Variants in SMAP2 observed in about 807,000 individuals in gnomAD.
SMAP2 encodes stromal membrane-associated protein 2.
In SMAP2, 25 loss-of-function variants were observed where a neutral mutation model predicts 56.4. The observed-to-expected ratio is 0.44, with a 90% CI of 0.32 to 0.62. SMAP2 has a LOEUF of 0.62. Among genes scored for constraint, SMAP2 ranks in the 20% least tolerant of loss-of-function variants. The pLI is 0.04. For missense variants in SMAP2, 388 were observed against 545.6 expected (o/e 0.71, Z 2.88); for synonymous variants, 157 against 181.7 (o/e 0.86, Z 1.09).
At chr1:40,364,546 C>A (rs889479149) in intron 2 of SMAP2, among the ~76,000 whole-genome samples, 1 of 152,098 alleles carries the variant, frequency 6.6e-6, no homozygotes, top group African/African-American at 2.4e-5. Context: ...AGCTCAGGAC[C>A]AACCTGGGCA....
At position 40,374,841 on chromosome 1, in the gene SMAP2, C is replaced by G; in HGVS notation, c.103+618C>G. Reference sequence around the variant, plus strand: ...AGTGGGAAACTGCCTTATGCAGTGACACAGTGCGGATTTCTAGGCAGTGTA... The same window carrying G: ...AGTGGGAAACTGCCTTATGCAGTGAGACAGTGCGGATTTCTAGGCAGTGTA... On this transcript the variant is annotated intron_variant, in intron 1 of 9. Coordinates refer to ENST00000372718, the MANE Select transcript of SMAP2 (RefSeq NM_022733.3). The surrounding 1 kb of genome is among the most constrained non-coding windows in gnomAD (Gnocchi z 5.9). 1 of 1,538,430 alleles carries G rather than the reference C, an allele frequency of 6.5e-7. No homozygotes were observed. Among genetic ancestry groups the G allele is most frequent in the South Asian group, 1.2e-5 (1 of 82,564 alleles).
At chr1:40,393,257 T>C in intron 1 of SMAP2, 1 of 1,405,444 alleles carries the variant, frequency 7.1e-7, no homozygotes, top group Non-Finnish European at 9.4e-7. Flanking sequence ...GCATAGGAGA[T>C]TGAGGCTGCA....
intron 2 of SMAP2, chr1:40,365,001 T>G (rs1644476387): frequency 8.8e-6 from 2 of 228,006 alleles, no homozygotes; most frequent in Admixed American, 8.1e-5. Context: ...CAACCCAGTT[T>G]CAGATGAAGA....
Position 40,409,828 on chromosome 1 carries a change from C to A in SMAP2, c.395C>A (p.Ala132Asp). 6.2e-7 allele frequency: 1 copy of A among 1,606,112 alleles called. No homozygotes were observed. The highest frequency in any genetic ancestry group is 8.5e-7 in the Non-Finnish European group (1 of 1,172,816). ...ATGGACCGAAGTCTGGACATCAATG[C>A]CTTTAGGGTTGGTTATACATCTTTC... ...KYMDRSLDIN[A>D]FRKEKDDKWK... is the part of the protein sequence containing the mutation. Residue 132 changes from alanine (A) to aspartate (D), a missense_variant, in exon 4 of 10, where the codon GCC becomes GAC. By Grantham distance (126) the Ala-to-Asp change is moderately radical. Transcript: ENST00000372718.
intron 1 of SMAP2, among the ~76,000 whole-genome samples, chr1:40,388,764 A>T (rs1644687142): frequency 6.6e-6 from 1 of 152,164 alleles, no homozygotes; most frequent in Admixed American, 6.5e-5. Context: ...CCTCTTCCAC[A>T]GTGTGGAAAC....
upstream of SMAP2, among the ~76,000 whole-genome samples, chr1:40,371,705 A>T (rs1306411085): frequency 6.6e-6 from 1 of 152,232 alleles, no homozygotes; most frequent in Non-Finnish European, 1.5e-5. Context: ...GAAGGCCAGG[A>T]AATAAAATCC....
chr1:40,412,300 C>T lies in SMAP2; in HGVS notation c.403-716C>T, dbSNP rs944781019. On this transcript the variant is annotated intron_variant, in intron 4 of 9. Coordinates refer to ENST00000372718, the MANE Select transcript of SMAP2 (RefSeq NM_022733.3). ...CAGAATTTGTACCATTTTACTCTCT[C>T]TTCTCAGCATTGTATAAGAGTACTG... Among the ~76,000 whole-genome samples the T allele has an allele frequency of 4.2e-4, 64 of 152,154 alleles. 2 individuals are homozygous for T. Among genetic ancestry groups the T allele is most frequent in the Non-Finnish European group, 5.9e-5 (4 of 68,018 alleles).
intron 1 of SMAP2, among the ~76,000 whole-genome samples, chr1:40,349,898 T>G (rs960629386): frequency 2.6e-5 from 4 of 152,172 alleles, no homozygotes; most frequent in African/African-American, 9.7e-5. Context: ...TTGTCCAACA[T>G]GTTATCTCCA....
intron 1 of SMAP2, among the ~76,000 whole-genome samples, chr1:40,356,551 C>T (rs1222123468): frequency 1.3e-5 from 2 of 152,018 alleles, no homozygotes; most frequent in African/African-American, 4.8e-5. Context: ...GCTGGGACTA[C>T]AGGCACCTGC....
chr1:40,365,344 C>T (rs186781167), intron 2 of SMAP2, among the ~76,000 whole-genome samples: 1 of 152,150 alleles, frequency 6.6e-6, no homozygotes, highest in Non-Finnish European at 1.5e-5. Context: ...AATTCTACTG[C>T]CACCAAAGCA....
chr1:40,382,919 G>A (rs983568185), intron 1 of SMAP2, among the ~76,000 whole-genome samples: 1 of 152,120 alleles, frequency 6.6e-6, no homozygotes, highest in Admixed American at 6.5e-5. Flanking sequence ...TATTAGAAGA[G>A]ACCTTTTCTA....
intron 1 of SMAP2, among the ~76,000 whole-genome samples, chr1:40,382,955 C>A (rs1644613312): frequency 6.6e-6 from 1 of 152,156 alleles, no homozygotes; most frequent in African/African-American, 2.4e-5. Context: ...TGTTTTAATT[C>A]TTAGGAAAGC....
At position 40,422,565 on chromosome 1, in the gene SMAP2, G is replaced by A. The variant is rs1645054001; in HGVS notation, c.*464G>A. 1 of 160,270 alleles carries A rather than the reference G, an allele frequency of 6.2e-6. No homozygotes were observed. Among genetic ancestry groups the A allele is most frequent in the Non-Finnish European group, 1.4e-5 (1 of 72,050 alleles). 9.9% of individuals were successfully genotyped at this position (160,270 alleles called of 1,614,324 possible). A position where few individuals can be genotyped will look rare whatever the true frequency, so the allele number is the denominator to read the frequency against. ...AAAGCATCATGTTCTCATGATTTATGGGAATGAAGCAAGTACTGAAATCAA... is the reference window on the plus strand; with the variant it reads ...AAAGCATCATGTTCTCATGATTTATAGGAATGAAGCAAGTACTGAAATCAA... On this transcript the variant is annotated 3_prime_UTR_variant, in exon 10 of 10. Transcript: ENST00000372718.
chr1:40,361,992 A>G (rs1644462422), intron 1 of SMAP2, among the ~76,000 whole-genome samples: 1 of 152,176 alleles, frequency 6.6e-6, no homozygotes, highest in Non-Finnish European at 1.5e-5. Context: ...AAGTGTGGGA[A>G]GGGTGAAAGA....
chr1:40,381,048 A>C (rs1171821889), intron 1 of SMAP2, among the ~76,000 whole-genome samples: 1 of 152,198 alleles, frequency 6.6e-6, no homozygotes, highest in East Asian at 1.9e-4. Context: ...TAATGTCAAC[A>C]TATTAAACCT....
intron 1 of SMAP2, among the ~76,000 whole-genome samples, chr1:40,359,420 A>G (rs1332264735): frequency 3.9e-5 from 6 of 152,054 alleles, no homozygotes; most frequent in African/African-American, 1.4e-4. Context: ...TTTATAAGTA[A>G]GTTTCTTGTA....
At chr1:40,346,329 T>C (rs1644385818) in intron 1 of SMAP2, among the ~76,000 whole-genome samples, 1 of 152,114 alleles carries the variant, frequency 6.6e-6, no homozygotes, top group African/African-American at 2.4e-5. Context: ...TAATAAATTG[T>C]GTCCTTTGGA....
intron 2 of SMAP2, among the ~76,000 whole-genome samples, chr1:40,364,208 G>A (rs562415497): frequency 6.8e-4 from 104 of 152,150 alleles, no homozygotes; most frequent in African/African-American, 2.3e-3. Context: ...AGTAATCTGG[G>A]CATTTTATTA....
chr1:40,360,004 CTTTTTTTTTT>C (rs775408458), intron 1 of SMAP2, among the ~76,000 whole-genome samples: 4 of 102,484 alleles, frequency 3.9e-5, no homozygotes, highest in African/African-American at 1.2e-4. Context: ...CTTCTTCTTT[CTTTTTTTTTT>C]TTTTTTTTTT....
Sources: allele counts gnomAD v4.1 joint callset (sites outside exome capture counted in the v4.1 genomes callset), GRCh38; gene constraint gnomAD v4.1.1; non-coding constraint Gnocchi (gnomAD v3.1); transcripts MANE v1.5; gene names NCBI Gene and HGNC (gene_info 2026-07-23, HGNC 2026-07-21).